Variants in NRG2 observed in about 807,000 individuals in gnomAD.
The protein encoded by NRG2 is pro-neuregulin-2, membrane-bound isoform.
NRG2 carries 27 observed loss-of-function variants against 73.9 expected under a neutral mutation model. The ratio of observed to expected loss-of-function variants is 0.37; its 90% CI spans 0.27 to 0.50. The LOEUF (loss-of-function observed/expected upper bound fraction) is 0.50, where lower values mean the gene tolerates loss of function less well. NRG2 is among the 20% of genes least tolerant of loss of function. The pLI, the probability that NRG2 is intolerant of heterozygous loss-of-function variation, is 0.96. For missense variants in NRG2, 1,126 were observed against 1,210.1 expected, an observed-to-expected ratio of 0.93 and a Z score of 1.03; for synonymous variants, 532 against 541.0, an observed-to-expected ratio of 0.98 and a Z score of 0.23.
intron 1 of NRG2, among the ~76,000 whole-genome samples, chr5:139,985,272 G>A (rs1433632964): frequency 6.6e-6 from 1 of 151,748 alleles, no homozygotes; most frequent in Non-Finnish European, 1.5e-5. Flanking sequence ...TCCTGGAGGT[G>A]GAGGCTGCAG....
chr5:139,921,031 A>G (rs73791243), intron 1 of NRG2, among the ~76,000 whole-genome samples: 1,958 of 152,364 alleles, frequency 0.013, 32 homozygotes, highest in African/African-American at 0.044. Context: ...ATATTTCAGT[A>G]TAAATCTAAA....
rs762413053 is a variant in NRG2 at position 139,904,375 on chromosome 5, C to A, written c.701-16864G>T. 1 of 1,584,200 alleles carries A rather than the reference C, an allele frequency of 6.3e-7. No homozygotes were observed. Among genetic ancestry groups the A allele is most frequent in the Admixed American group, 1.7e-5 (1 of 59,110 alleles). On this transcript the variant is annotated intron_variant, in intron 1 of 9. Coordinates refer to ENST00000361474, the MANE Select transcript of NRG2 (RefSeq NM_004883.3). This position sits in a 1 kb window ranked among gnomAD's most constrained non-coding sequence, Gnocchi z 6.0. ...TGGGTGCTTCTTGCCGCGGCCGCGG[C>A]CCCTCCTCCTGGACTCCGACATTCT...
intron 1 of NRG2, among the ~76,000 whole-genome samples, chr5:139,986,046 A>C (rs1757150380): frequency 6.6e-6 from 1 of 152,196 alleles, no homozygotes; most frequent in African/African-American, 2.4e-5. Context: ...GGCTATAAAC[A>C]TAGTCACATG....
chr5:139,923,738 T>C (rs1391626862), intron 1 of NRG2, among the ~76,000 whole-genome samples: 1 of 152,142 alleles, frequency 6.6e-6, no homozygotes, highest in Non-Finnish European at 1.5e-5. Context: ...CTAATTTTAA[T>C]TCATAAGGCC....
At position 139,871,753 on chromosome 5, in the gene NRG2, G is replaced by A. The variant is rs1762866468; in HGVS notation, c.1080C>T (p.Tyr360=). The A allele has an allele frequency of 6.2e-6, 10 of 1,614,136 alleles. No individual in the cohort carries two copies. The highest frequency in any genetic ancestry group is 7.6e-6 in the Non-Finnish European group (9 of 1,180,004). The part of the protein sequence containing the change: ...KSYCVNGGVC[Y]YIEGINQLSC... ...AGAGCTGGTTGATGCCCTCGATGTA[G>A]TAGCAGACGCCTCCATTGACGCAAT... is the stretch of plus-strand genomic sequence containing the variant. Residue 360 remains tyrosine, a synonymous_variant, in exon 4 of 10, where the codon TAC becomes TAT. Transcript: ENST00000361474.
chr5:139,962,828 G>A (rs190714312), intron 1 of NRG2, among the ~76,000 whole-genome samples: 14 of 152,304 alleles, frequency 9.2e-5, no homozygotes, highest in Admixed American at 6.5e-4. Context: ...GGGTCCTCAA[G>A]AGGTTGCCTA....
chr5:140,040,426 A>G (rs747018259), intron 1 of NRG2, among the ~76,000 whole-genome samples: 2 of 152,210 alleles, frequency 1.3e-5, no homozygotes, highest in African/African-American at 2.4e-5. Context: ...TGATTTCTGC[A>G]TTCAACTGTT....
chr5:139,848,779 G>GGGGGTC, intron 9 of NRG2, 82 bp from the exon 10 acceptor site: 1 of 198,602 alleles, frequency 5.0e-6, no homozygotes, highest in Non-Finnish European at 1.0e-5. Context: ...GGTAGGGTGG[G>GGGGGTC]AGGGGCGGAC....
chr5:140,026,192 AGT>A (rs1420538987), intron 1 of NRG2, among the ~76,000 whole-genome samples: 2 of 152,366 alleles, frequency 1.3e-5, no homozygotes, highest in East Asian at 3.8e-4. Flanking sequence ...GCAAAGAGTA[AGT>A]GTGAAAGAGT....
intron 1 of NRG2, among the ~76,000 whole-genome samples, chr5:140,025,901 C>T (rs528282666): frequency 5.3e-5 from 8 of 152,288 alleles, no homozygotes; most frequent in Non-Finnish European, 1.0e-4. Flanking sequence ...CTCCCCCATC[C>T]GACTATGCCA....
intron 1 of NRG2, among the ~76,000 whole-genome samples, chr5:139,888,624 G>A (rs1764023728): frequency 6.6e-6 from 1 of 152,182 alleles, no homozygotes; most frequent in African/African-American, 2.4e-5. Flanking sequence ...AGGCAAGAGG[G>A]CCTGGCTAGA....
intron 1 of NRG2, among the ~76,000 whole-genome samples, chr5:139,949,723 C>T (rs893012478): frequency 6.6e-6 from 1 of 152,216 alleles, no homozygotes; most frequent in Non-Finnish European, 1.5e-5. Context: ...TCAAAAGTCA[C>T]GTTTCTAAGG....
rs906774109 is a variant in NRG2, at chr5:140,008,709, G to A, written c.700+33661C>T. On this transcript the variant is annotated intron_variant, in intron 1 of 9. Coordinates refer to ENST00000361474, the MANE Select transcript of NRG2 (RefSeq NM_004883.3). The surrounding 1 kb of genome is among the most constrained non-coding windows in gnomAD (Gnocchi z 4.2). ...GAATGCTTATTTATCCCTCTCAGTC[G>A]GGGAGAAATAACTGACAAATGATAT... Among the ~76,000 whole-genome samples, 4 of 152,138 alleles carry A rather than the reference G, an allele frequency of 2.6e-5. No individual in the cohort carries two copies. Among genetic ancestry groups the A allele is most frequent in the East Asian group, 3.8e-4 (2 of 5,202 alleles).
rs1214992911 is a variant in NRG2, at chr5:139,865,287, A to G, written c.1189+262T>C. 7.8e-6 allele frequency: 7 copies of G among 895,626 alleles called. No homozygotes were observed. The highest frequency in any genetic ancestry group is 5.1e-5 in the East Asian group (2 of 39,550). 55.5% of individuals were successfully genotyped at this position (895,626 alleles called of 1,614,324 possible). On this transcript the variant is annotated intron_variant, in intron 5 of 9. Transcript: ENST00000361474. The surrounding 1 kb of genome is among the most constrained non-coding windows in gnomAD (Gnocchi z 5.2). ...AGCTGGGTTCCTTGCCACCGTTACCATTTGTATTGGCCTTGCCACTCTGCC... is the reference window on the plus strand; with the variant it reads ...AGCTGGGTTCCTTGCCACCGTTACCGTTTGTATTGGCCTTGCCACTCTGCC...
intron 1 of NRG2, among the ~76,000 whole-genome samples, chr5:140,031,152 T>C (rs1761113885): frequency 6.6e-6 from 1 of 152,150 alleles, no homozygotes; most frequent in African/African-American, 2.4e-5. Context: ...TACCAAAAAT[T>C]TCTGGAAATT....
At chr5:139,876,111 CA>C (rs1446045430) in intron 3 of NRG2, among the ~76,000 whole-genome samples, 2 of 152,020 alleles carry the variant, frequency 1.3e-5, no homozygotes, top group Non-Finnish European at 2.9e-5. Context: ...CCAAATGACC[CA>C]AGAATCCAAA....
At chr5:140,002,728 A>G (rs1324193365) in intron 1 of NRG2, among the ~76,000 whole-genome samples, 1 of 152,114 alleles carries the variant, frequency 6.6e-6, no homozygotes, top group Non-Finnish European at 1.5e-5. Flanking sequence ...AGTTTTTTTT[A>G]TTTGTCAGTC....
chr5:139,995,074 T>C (rs552343521), intron 1 of NRG2, among the ~76,000 whole-genome samples: 1 of 152,268 alleles, frequency 6.6e-6, no homozygotes, highest in Admixed American at 6.5e-5. Context: ...AGGGGTACTT[T>C]TAAAACATAC....
intron 1 of NRG2, among the ~76,000 whole-genome samples, chr5:139,999,306 G>A (rs931261740): frequency 2.6e-5 from 4 of 152,158 alleles, no homozygotes; most frequent in Admixed American, 6.5e-5. Context: ...CCCAATTCTT[G>A]TATTAGATTC....
Sources: allele counts gnomAD v4.1 joint callset (sites outside exome capture counted in the v4.1 genomes callset), GRCh38; gene constraint gnomAD v4.1.1; non-coding constraint Gnocchi (gnomAD v3.1); transcripts MANE v1.5; gene names NCBI Gene and HGNC (gene_info 2026-07-23, HGNC 2026-07-21).